Variants in DLC1 observed in about 807,000 individuals in gnomAD.
DLC1 encodes rho GTPase-activating protein 7.
A neutral mutation model predicts 140.3 loss-of-function variants in DLC1; 54 were observed. The ratio of observed to expected loss-of-function variants is 0.38; its 90% CI spans 0.31 to 0.48. DLC1 has a LOEUF of 0.48. DLC1 is among the 20% of genes least tolerant of loss of function. DLC1 has a pLI of 0.96. For synonymous variants in DLC1, 986 were observed against 728.1 expected (o/e 1.35, Z -5.70); for missense variants, 2,536 against 1,907.0 (o/e 1.33, Z -6.14).
chr8:13,427,214 C>G (rs904796022), intron 2 of DLC1, among the ~76,000 whole-genome samples: 1 of 152,178 alleles, frequency 6.6e-6, no homozygotes, highest in African/African-American at 2.4e-5. Context: ...GTTGTTTTCC[C>G]AAACTGTCAT....
chr8:13,334,321 T>G (rs574485500), intron 4 of DLC1, among the ~76,000 whole-genome samples: 1 of 151,888 alleles, frequency 6.6e-6, no homozygotes, highest in East Asian at 1.9e-4. Context: ...CAGTGGAAGA[T>G]GGGGGAGAAG....
At chr8:13,344,547 A>G (rs1313423285) in intron 4 of DLC1, among the ~76,000 whole-genome samples, 1 of 152,218 alleles carries the variant, frequency 6.6e-6, no homozygotes, top group Non-Finnish European at 1.5e-5. Context: ...GTTCTACTAA[A>G]TAAGTAGAAT....
At chr8:13,231,270 C>T (rs1258548198) in intron 5 of DLC1, among the ~76,000 whole-genome samples, 1 of 151,410 alleles carries the variant, frequency 6.6e-6, no homozygotes, top group Non-Finnish European at 1.5e-5. Flanking sequence ...CTGATGGAAA[C>T]GATTGCCATT....
intron 4 of DLC1, chr8:13,342,697 ATT>A (rs2116991038): frequency 6.5e-6 from 1 of 153,038 alleles, no homozygotes; most frequent in Non-Finnish European, 1.5e-5. Context: ...TGCTTTATGG[ATT>A]TTGGACTTGC....
chr8:13,560,607 G>A (rs1804207232), intron 1 of DLC1, among the ~76,000 whole-genome samples: 1 of 152,140 alleles, frequency 6.6e-6, no homozygotes, highest in Non-Finnish European at 1.5e-5. Flanking sequence ...CACTTCATGG[G>A]TTAAATTGTA....
chr8:13,340,830 T>C (rs538444786), intron 4 of DLC1: 2 of 152,334 alleles, frequency 1.3e-5, no homozygotes, highest in South Asian at 2.1e-4. Flanking sequence ...TGCCCTGGCT[T>C]TGGAAGAACT....
chr8:13,245,067 G>A (rs992365921), intron 5 of DLC1, among the ~76,000 whole-genome samples: 4 of 151,308 alleles, frequency 2.6e-5, no homozygotes, highest in Admixed American at 2.0e-4. Context: ...GAATGTAGCT[G>A]TGTGATTTCT....
intron 7 of DLC1, among the ~76,000 whole-genome samples, chr8:13,104,307 T>A (rs1250877885): frequency 6.8e-6 from 1 of 146,350 alleles, no homozygotes; most frequent in Non-Finnish European, 1.5e-5. Flanking sequence ...CAATATCAAT[T>A]TAAAATTAGG....
In DLC1 at chr8:13,310,204, C is replaced by G. The variant is rs115217882; in HGVS notation, c.1315-4902G>C. ...CAGAGCACTATCTATTTTGTGCTTTCTCTTTTTATAGTCAGAGCTTTCTTT... is the reference window on the plus strand; with the variant it reads ...CAGAGCACTATCTATTTTGTGCTTTGTCTTTTTATAGTCAGAGCTTTCTTT... On this transcript the variant is annotated intron_variant, in intron 4 of 17. Transcript: ENST00000276297. 3.0e-3 allele frequency among the ~76,000 whole-genome samples: 463 copies of G among 152,282 alleles called. 3 individuals carry two copies. The highest frequency in any genetic ancestry group is 0.011 in the African/African-American group (438 of 41,572).
At chr8:13,287,752 T>G (rs1423837091) in intron 5 of DLC1, among the ~76,000 whole-genome samples, 1 of 152,140 alleles carries the variant, frequency 6.6e-6, no homozygotes, top group African/African-American at 2.4e-5. Flanking sequence ...TCGCCGATGA[T>G]GCAAGAATGT....
chr8:13,481,701 C>T (rs935260749), intron 2 of DLC1, among the ~76,000 whole-genome samples: 14 of 152,062 alleles, frequency 9.2e-5, no homozygotes, highest in Admixed American at 8.5e-4. Context: ...TGAACTGGAC[C>T]CCTCTCCCAA....
chr8:13,171,397 T>C (rs1329490583), intron 5 of DLC1, among the ~76,000 whole-genome samples: 1 of 152,120 alleles, frequency 6.6e-6, no homozygotes, highest in Non-Finnish European at 1.5e-5. Context: ...CTTTTACTTA[T>C]TTAGTGACAG....
intron 5 of DLC1, among the ~76,000 whole-genome samples, chr8:13,285,666 T>A (rs920092305): frequency 2.6e-5 from 4 of 152,156 alleles, no homozygotes; most frequent in African/African-American, 9.7e-5. Flanking sequence ...TTGGAGAGAA[T>A]GTGGAGCAAC....
chr8:13,353,246 T>G (rs10109769), intron 4 of DLC1, among the ~76,000 whole-genome samples: 38,033 of 152,062 alleles, frequency 0.25, 5,033 homozygotes, highest in Admixed American at 0.27. Flanking sequence ...AGGTGGACAT[T>G]TTGATTAAAA....
At chr8:13,407,089 C>T (rs1451196009) in intron 2 of DLC1, among the ~76,000 whole-genome samples, 1 of 152,076 alleles carries the variant, frequency 6.6e-6, no homozygotes, top group Non-Finnish European at 1.5e-5. Flanking sequence ...AGATACGAGG[C>T]AAATTAGGAG....
chr8:13,106,294 C>T (rs1819557959), intron 7 of DLC1, among the ~76,000 whole-genome samples: 2 of 152,188 alleles, frequency 1.3e-5, no homozygotes, highest in African/African-American at 2.4e-5. Flanking sequence ...AAAATGGTTA[C>T]AATTCTTAAA....
At chr8:13,389,381 C>T (rs927349578) in intron 4 of DLC1, among the ~76,000 whole-genome samples, 1 of 152,024 alleles carries the variant, frequency 6.6e-6, no homozygotes, top group African/African-American at 2.4e-5. Flanking sequence ...AAGCACTTTA[C>T]ATAACATGAT....
intron 1 of DLC1, among the ~76,000 whole-genome samples, chr8:13,540,094 A>G (rs1024204728): frequency 6.6e-6 from 1 of 152,206 alleles, no homozygotes; most frequent in African/African-American, 2.4e-5. Context: ...TCAAGTAATC[A>G]CATAGATTCT....
intron 5 of DLC1, among the ~76,000 whole-genome samples, chr8:13,189,895 A>G (rs1177286499): frequency 6.8e-6 from 1 of 147,418 alleles, no homozygotes; most frequent in Non-Finnish European, 1.5e-5. Context: ...AAAAAAAAAA[A>G]GAAGCTGCAC....
Sources: gnomAD v4.1 joint callset for allele counts (sites outside exome capture counted in the v4.1 genomes callset) on GRCh38, gnomAD v4.1.1 for gene constraint, MANE v1.5 for transcripts, NCBI Gene and HGNC (gene_info 2026-07-23, HGNC 2026-07-21) for gene names.